Variants in KATNIP observed in about 807,000 individuals in gnomAD.
The protein encoded by KATNIP is katanin interacting protein.
KATNIP carries 126 observed loss-of-function variants against 174.0 expected under a neutral mutation model. That is an observed-to-expected ratio of 0.72 (90% CI 0.63 to 0.84). The LOEUF (loss-of-function observed/expected upper bound fraction) is 0.84, where lower values mean the gene tolerates loss of function less well. Ranked by LOEUF, KATNIP falls within the 40% of genes least tolerant of loss-of-function variation. The pLI, the probability that KATNIP is intolerant of heterozygous loss-of-function variation, is 0.00. For synonymous variants in KATNIP, 810 were observed against 835.7 expected, an observed-to-expected ratio of 0.97 and a Z score of 0.53; for missense variants, 1,958 against 2,109.7, an observed-to-expected ratio of 0.93 and a Z score of 1.41.
chr16:27,753,955 T>C lies in KATNIP; in HGVS notation c.3553-218T>C, dbSNP rs888942054. Among the ~76,000 whole-genome samples the C allele has an allele frequency of 2.0e-5, 3 of 152,142 alleles. No homozygotes were observed. In the East Asian group the frequency reaches 5.8e-4, roughly 29 times the overall value. ...TAGCATCAGGCTCCTCCCCAGCCAG[T>C]GAGAGCTGCTGACAAGGATGCAGAC... On this transcript the variant is annotated intron_variant, in intron 17 of 27. Coordinates refer to ENST00000261588, the MANE Select transcript of KATNIP (RefSeq NM_015202.5).
At chr16:27,763,619 CAA>C (rs565418198) in intron 19 of KATNIP, among the ~76,000 whole-genome samples, 23 of 50,698 alleles carry the variant, frequency 4.5e-4, no homozygotes, top group Admixed American at 6.7e-4. Flanking sequence ...TGTCTCAACA[CAA>C]AAAAAAAAAA....
chr16:27,664,327 TATG>T (rs1201827382), intron 6 of KATNIP, among the ~76,000 whole-genome samples: 1 of 152,240 alleles, frequency 6.6e-6, no homozygotes, highest in Non-Finnish European at 1.5e-5. Context: ...ATGAATGTTC[TATG>T]ATATTTCAAA....
chr16:27,765,417 CAGCTGGG>C (rs2082087863), intron 19 of KATNIP, among the ~76,000 whole-genome samples: 1 of 152,214 alleles, frequency 6.6e-6, no homozygotes, highest in African/African-American at 2.4e-5. Flanking sequence ...CTCAGAGTGC[CAGCTGGG>C]AAGAGCATGA....
chr16:27,734,519 T>C (rs138839760), intron 14 of KATNIP, among the ~76,000 whole-genome samples: 2,669 of 150,036 alleles, frequency 0.018, 59 homozygotes, highest in East Asian at 0.096. Context: ...GCCAACATGG[T>C]GAAACCCCAT....
intron 14 of KATNIP, among the ~76,000 whole-genome samples, chr16:27,731,279 A>AG (rs1213993561): frequency 6.6e-6 from 1 of 152,020 alleles, no homozygotes; most frequent in African/African-American, 2.4e-5. Context: ...TGGCAGAAAC[A>AG]GGGGGATTGC....
intron 6 of KATNIP, among the ~76,000 whole-genome samples, chr16:27,663,152 CTTTTTTTTTTTTTT>C (rs11440523): frequency 5.0e-5 from 4 of 80,052 alleles, no homozygotes; most frequent in South Asian, 8.8e-4. Flanking sequence ...TTTTCTTCTT[CTTTTTTTTTTTTTT>C]TTTTTTTTTT....
intron 2 of KATNIP, among the ~76,000 whole-genome samples, chr16:27,577,068 G>A (rs2090525945): frequency 6.6e-6 from 1 of 152,150 alleles, no homozygotes; most frequent in Non-Finnish European, 1.5e-5. Flanking sequence ...GAACTCACCA[G>A]GCCAAATTCA....
At chr16:27,608,890 T>C (rs2075801560) in intron 2 of KATNIP, among the ~76,000 whole-genome samples, 1 of 151,986 alleles carries the variant, frequency 6.6e-6, no homozygotes, top group Non-Finnish European at 1.5e-5. Context: ...TTCCCCCTTA[T>C]CCCCCTGCAA....
Position 27,631,151 on chromosome 16 carries a change from G to C in KATNIP, c.397G>C (p.Gly133Arg). The change falls in exon 5 of 28, where the codon GGA becomes CGA. Residue 133 changes from glycine to arginine, a missense_variant. Gly to Arg is a moderately radical substitution (Grantham distance 125). Transcript: ENST00000261588. ...RTAPSKVQRR[G>R]WHQKSVQIRT... ...AGCCCCCAGTAAAGTCCAGCGCCGA[G>C]GATGGCACCAGGTCTGGAGACTGTG... The C allele has an allele frequency of 6.4e-7, 1 of 1,567,728 alleles. No individual in the cohort carries two copies. Among genetic ancestry groups the C allele is most frequent in the Non-Finnish European group, 8.7e-7 (1 of 1,155,166 alleles).
intron 6 of KATNIP, among the ~76,000 whole-genome samples, chr16:27,651,756 G>A (rs565945408): frequency 2.6e-5 from 4 of 152,276 alleles, no homozygotes; most frequent in South Asian, 2.1e-4. Flanking sequence ...TCTCACTCTT[G>A]TCACCCAGGC....
chr16:27,655,325 C>T (rs1026725259), intron 6 of KATNIP, among the ~76,000 whole-genome samples: 2 of 149,864 alleles, frequency 1.3e-5, no homozygotes, highest in Admixed American at 6.7e-5. Flanking sequence ...CTTTGAACTC[C>T]TGGGCTCTAG....
At chr16:27,611,344 T>C (rs974164226) in intron 2 of KATNIP, among the ~76,000 whole-genome samples, 1 of 152,196 alleles carries the variant, frequency 6.6e-6, no homozygotes, top group East Asian at 1.9e-4. Context: ...TCTCACACCT[T>C]TGCTGGGTGC....
rs748168583 is a variant in KATNIP, at chr16:27,683,488, G to A, written c.940+1958G>A. On this transcript the variant is annotated intron_variant, in intron 8 of 27. Coordinates refer to ENST00000261588, the MANE Select transcript of KATNIP (RefSeq NM_015202.5). ...CTGGAAAGAGGCCTGCCTGGGGCCCGAGGAAGGTAGGAGTGGGAGGCAACC... is the reference window on the plus strand; with the variant it reads ...CTGGAAAGAGGCCTGCCTGGGGCCCAAGGAAGGTAGGAGTGGGAGGCAACC... Among the ~76,000 whole-genome samples, 235 of 152,166 alleles carry A rather than the reference G, an allele frequency of 1.5e-3. 1 individual carries two copies. Among genetic ancestry groups the A allele is most frequent in the Non-Finnish European group, 2.4e-3 (163 of 68,032 alleles).
Position 27,708,902 on chromosome 16 carries a change from C to T in KATNIP, c.1587C>T (p.Leu529=), listed in dbSNP as rs115314923. Residue 529 remains leucine (L), a synonymous_variant, in exon 13 of 28, where the codon CTC becomes CTT. Coordinates refer to ENST00000261588, the MANE Select transcript of KATNIP (RefSeq NM_015202.5). ...NTATPGELGR[L]VNRNLAGKKD... The stretch of plus-strand genomic sequence containing the variant: ...CCACGCCTGGGGAGCTGGGCCGCCT[C>T]GTCAACAGGAACTTAGCTGTGAGTG... 1,298 of 1,612,866 alleles carry T rather than the reference C, an allele frequency of 8.0e-4. 12 individuals are homozygous for T. The African/African-American group carries it at 0.014, about 17-fold the overall frequency.
chr16:27,721,524 G>A (rs780648159), intron 13 of KATNIP, 34 bp from the exon 14 acceptor site: 2 of 1,613,648 alleles, frequency 1.2e-6, no homozygotes, highest in South Asian at 2.2e-5. Context: ...GCAGAAATGT[G>A]CCTAATGATT....
At position 27,560,065 on chromosome 16, in the gene KATNIP, C is replaced by T. The variant is rs541565725; in HGVS notation, c.7+9888C>T. 2.3e-3 allele frequency among the ~76,000 whole-genome samples: 346 copies of T among 149,532 alleles called. 3 individuals are homozygous for T. Among genetic ancestry groups the T allele is most frequent in the Non-Finnish European group, 4.1e-3 (278 of 67,386 alleles). On this transcript the variant is annotated intron_variant, in intron 1 of 27. Transcript: ENST00000261588. ...TTGGGAGACTGAGGCGGGCAGATCA[C>T]GAGGTCAGGAGTTCAAGACTAGCCT...
chr16:27,551,431 T>A (rs2089361951), intron 1 of KATNIP, among the ~76,000 whole-genome samples: 4 of 152,222 alleles, frequency 2.6e-5, no homozygotes, highest in Non-Finnish European at 5.9e-5. Context: ...AAGGTCAATG[T>A]AATGTTGCTA....
At chr16:27,770,055 G>GGCCCCTGGGCCCGCTT in intron 21 of KATNIP, 37 bp downstream of exon 21, 1 of 1,597,982 alleles carries the variant, frequency 6.3e-7, no homozygotes, top group Non-Finnish European at 8.6e-7. Context: ...AGCCCCTCCC[G>GGCCCCTGGGCCCGCTT]GCCCCTGGGC....
chr16:27,668,822 A>C (rs1315347489), intron 6 of KATNIP, among the ~76,000 whole-genome samples: 2 of 152,204 alleles, frequency 1.3e-5, no homozygotes, highest in Non-Finnish European at 2.9e-5. Context: ...CTTGGGCAAC[A>C]GAGTAAGATC....
Sources: allele counts gnomAD v4.1 joint callset (sites outside exome capture counted in the v4.1 genomes callset), GRCh38; gene constraint gnomAD v4.1.1; transcripts MANE v1.5; gene names NCBI Gene and HGNC (gene_info 2026-07-23, HGNC 2026-07-21).